Variants in INSYN2B observed in about 807,000 individuals in gnomAD.
INSYN2B encodes protein INSYN2B.
A neutral mutation model predicts 41.2 loss-of-function variants in INSYN2B; 16 were observed. The ratio of observed to expected loss-of-function variants is 0.39; its 90% confidence interval spans 0.26 to 0.59. The LOEUF is 0.59. Ranked by LOEUF, INSYN2B falls within the 20% of genes least tolerant of loss-of-function variation. INSYN2B has a pLI of 0.57. For synonymous variants in INSYN2B, 245 were observed against 244.4 expected (o/e 1.00, Z -0.02); for missense variants, 608 against 646.4 (o/e 0.94, Z 0.64).
chr5:169,938,921 T>TTTGA (rs1776110199), intron 1 of INSYN2B, among the ~76,000 whole-genome samples: 5 of 149,958 alleles, frequency 3.3e-5, no homozygotes, highest in East Asian at 1.9e-4. Flanking sequence ...TTTTTTTTTT[T>TTTGA]GAAATGGAGT....
At chr5:169,949,448 A>T (rs1279294485) in intron 1 of INSYN2B, among the ~76,000 whole-genome samples, 3 of 152,154 alleles carry the variant, frequency 2.0e-5, no homozygotes, top group African/African-American at 4.8e-5. Flanking sequence ...CCATTAGCCC[A>T]GTTTGGCTGA....
intron 1 of INSYN2B, among the ~76,000 whole-genome samples, chr5:169,943,305 A>T (rs1472614597): frequency 6.6e-6 from 1 of 152,204 alleles, no homozygotes; most frequent in Non-Finnish European, 1.5e-5. Flanking sequence ...AGGAATAAGC[A>T]GTAGCTGTCT....
In INSYN2B at chr5:169,972,542, CAGATAGATAGATAGAT is replaced by C. The variant is rs143089504; in HGVS notation, c.-919+7719_-919+7734del. Among the ~76,000 whole-genome samples the C allele has an allele frequency of 3.7e-3, 521 of 141,408 alleles. 12 individuals are homozygous for C. In the East Asian group the frequency reaches 0.072, roughly 20 times the overall value. 92.8% of individuals were successfully genotyped at this position (141,408 alleles called of 152,430 possible). On this transcript the variant is annotated intron_variant, in intron 1 of 3. Transcript: ENST00000377365. ...GCCCCAGTTAAGAGCCACTGTGAGA[CAGATAGATAGATAGAT>C]AGATAGATAGATAGATAGATAGATA...
intron 1 of INSYN2B, among the ~76,000 whole-genome samples, chr5:169,924,523 T>G (rs753789316): frequency 3.2e-4 from 49 of 152,228 alleles, no homozygotes; most frequent in Non-Finnish European, 6.2e-4. Flanking sequence ...AGAATCTTGA[T>G]GATCTTTTGG....
In INSYN2B at chr5:169,883,149, T is replaced by C; in HGVS notation, c.750A>G (p.Leu250=). ...RPGDGRRVTP[L]DSEKSTSCLN... is the part of the protein sequence containing the mutation. Reference sequence around the variant, plus strand: ...AGCAGGAGGTGGATTTTTCTGAATCTAGTGGAGTCACCCTTCTCCCATCAC... The same window carrying C: ...AGCAGGAGGTGGATTTTTCTGAATCCAGTGGAGTCACCCTTCTCCCATCAC... Residue 250 remains leucine (L), a synonymous_variant, in exon 2 of 4, where the codon CTA becomes CTG. Coordinates refer to ENST00000377365, the MANE Select transcript of INSYN2B (RefSeq NM_001129891.3). The C allele has an allele frequency of 1.3e-6, 2 of 1,551,622 alleles. No homozygotes were observed. Among genetic ancestry groups the C allele is most frequent in the Non-Finnish European group, 1.7e-6 (2 of 1,146,920 alleles).
At chr5:169,941,781 C>T (rs577348666) in intron 1 of INSYN2B, among the ~76,000 whole-genome samples, 6 of 152,300 alleles carry the variant, frequency 3.9e-5, no homozygotes, top group Non-Finnish European at 7.4e-5. Context: ...GAATACCACA[C>T]GCTTTCTTGC....
At chr5:169,977,831 A>G (rs976622484) in intron 1 of INSYN2B, among the ~76,000 whole-genome samples, 1 of 152,218 alleles carries the variant, frequency 6.6e-6, no homozygotes, top group Non-Finnish European at 1.5e-5. Flanking sequence ...AATAGGTTTT[A>G]GAGTCCCTGT....
chr5:169,867,658 C>T (rs1010894301), intron 3 of INSYN2B, among the ~76,000 whole-genome samples: 6 of 151,476 alleles, frequency 4.0e-5, no homozygotes, highest in African/African-American at 1.5e-4. Context: ...CTACCTCTAG[C>T]ATCTATTTGT....
rs148818837 is a variant in INSYN2B at position 169,908,622 on chromosome 5, A to G, written c.-918-23806T>C. On this transcript the variant is annotated intron_variant, in intron 1 of 3. Transcript: ENST00000377365. The stretch of plus-strand genomic sequence containing the variant: ...CAACATATTGCAATATGGAATCATG[A>G]CCAATGTTGCAAAACTAAGGATACA... 1.6e-3 allele frequency among the ~76,000 whole-genome samples: 241 copies of G among 152,184 alleles called. 2 individuals carry two copies. Among genetic ancestry groups the G allele is most frequent in the African/African-American group, 5.6e-3 (232 of 41,532 alleles).
intron 1 of INSYN2B, among the ~76,000 whole-genome samples, chr5:169,887,267 T>G (rs1773025131): frequency 6.6e-6 from 1 of 152,218 alleles, no homozygotes; most frequent in African/African-American, 2.4e-5. Flanking sequence ...ATGTATCCTT[T>G]AGATGTTTTC....
At chr5:169,954,452 A>C (rs1484217884) in intron 1 of INSYN2B, among the ~76,000 whole-genome samples, 2 of 152,118 alleles carry the variant, frequency 1.3e-5, no homozygotes, top group Admixed American at 1.3e-4. Context: ...GTGTTTTCAG[A>C]CCTCAGGTAA....
At chr5:169,952,258 A>G (rs1170677060) in intron 1 of INSYN2B, among the ~76,000 whole-genome samples, 2 of 152,190 alleles carry the variant, frequency 1.3e-5, no homozygotes, top group Non-Finnish European at 2.9e-5. Flanking sequence ...TTTTTATTCT[A>G]TCAACTCGTC....
intron 1 of INSYN2B, among the ~76,000 whole-genome samples, chr5:169,908,362 T>A (rs939371859): frequency 1.1e-4 from 17 of 152,302 alleles, no homozygotes; most frequent in African/African-American, 4.1e-4. Flanking sequence ...ATTACTCACA[T>A]GCATATAGGC....
chr5:169,964,872 G>A (rs1777237440), intron 1 of INSYN2B, among the ~76,000 whole-genome samples: 1 of 152,364 alleles, frequency 6.6e-6, no homozygotes, highest in East Asian at 1.9e-4. Context: ...TGCTTAGCTA[G>A]TATCTGGCAC....
In INSYN2B at chr5:169,863,860, A is replaced by G. The variant is rs1771362584; in HGVS notation, c.*413T>C. Among the ~76,000 whole-genome samples, 1 of 151,944 alleles carries G rather than the reference A, an allele frequency of 6.6e-6. No individual in the cohort carries two copies. Among genetic ancestry groups the G allele is most frequent in the African/African-American group, 2.4e-5 (1 of 41,340 alleles). ...TGCTTATAACCTATAACCTCCCTCT[A>G]CCTTCCGGGTCTGCACAACACTATT... On this transcript the variant is annotated 3_prime_UTR_variant, in exon 4 of 4. Transcript: ENST00000377365.
chr5:169,875,370 G>C (rs1772265175), intron 3 of INSYN2B: 2 of 453,256 alleles, frequency 4.4e-6, no homozygotes, highest in Non-Finnish European at 8.9e-6. Flanking sequence ...TGGGAGCACT[G>C]TCTAGGGCCT....
At chr5:169,901,223 C>T (rs1773904225) in intron 1 of INSYN2B, among the ~76,000 whole-genome samples, 1 of 152,104 alleles carries the variant, frequency 6.6e-6, no homozygotes, top group South Asian at 2.1e-4. Context: ...GAACATTGTG[C>T]ACACTGGCTC....
At chr5:169,934,645 T>C (rs773864927) in intron 1 of INSYN2B, 14 of 456,144 alleles carry the variant, frequency 3.1e-5, no homozygotes, top group South Asian at 2.2e-4. Context: ...GTCTCCTTCC[T>C]TTCTAGGATG....
intron 1 of INSYN2B, among the ~76,000 whole-genome samples, chr5:169,904,402 CTA>C (rs1234721123): frequency 2.0e-5 from 3 of 152,172 alleles, no homozygotes; most frequent in Non-Finnish European, 4.4e-5. Flanking sequence ...ACCTACCTGT[CTA>C]TGGAATTTCT....
Sources: gnomAD v4.1 joint callset for allele counts (sites outside exome capture counted in the v4.1 genomes callset) on GRCh38, gnomAD v4.1.1 for gene constraint, MANE v1.5 for transcripts, NCBI Gene and HGNC (gene_info 2026-07-23, HGNC 2026-07-21) for gene names.